The following ERBB4 variants were observed in gnomAD, a reference collection of about 807,000 sequenced individuals.
ERBB4 encodes erb-b2 receptor tyrosine kinase 4.
A neutral mutation model predicts 158.0 loss-of-function variants in ERBB4; 42 were observed. That is an observed-to-expected ratio of 0.27 (90% CI 0.21 to 0.34). ERBB4 has a LOEUF of 0.34. ERBB4 is among the 10% of genes least tolerant of loss of function. The pLI is 1.00. For synonymous variants in ERBB4, 583 were observed against 558.7 expected (o/e 1.04, Z -0.61); for missense variants, 1,333 against 1,624.1 (o/e 0.82, Z 3.08).
intron 20 of ERBB4, among the ~76,000 whole-genome samples, chr2:211,444,421 CTTAAG>C (rs913046436): frequency 3.8e-4 from 58 of 152,114 alleles, no homozygotes; most frequent in African/African-American, 1.2e-3. Flanking sequence ...TTGTGTTACT[CTTAAG>C]TTATCTATAA....
rs184886892 is a variant in ERBB4, at chr2:212,056,825, T to G, written c.234+67927A>C. Reference sequence around the variant, plus strand: ...ACTGGTATCAGCCACTGCAAAAACATGCCAAACTGTAAAGACCATAAATGC... The same window carrying G: ...ACTGGTATCAGCCACTGCAAAAACAGGCCAAACTGTAAAGACCATAAATGC... On this transcript the variant is annotated intron_variant, in intron 2 of 27. Transcript: ENST00000342788. Among the ~76,000 whole-genome samples, 13 of 152,296 alleles carry G rather than the reference T, an allele frequency of 8.5e-5. No homozygotes were observed. The East Asian group carries it at 2.1e-3, about 25-fold the overall frequency.
intron 1 of ERBB4, among the ~76,000 whole-genome samples, chr2:212,221,579 A>ATCCTCATTTAAAGG (rs1443815761): frequency 2.0e-5 from 3 of 151,508 alleles, no homozygotes; most frequent in African/African-American, 7.3e-5. Context: ...ATCACTTAAC[A>ATCCTCATTTAAAGG]TCCTCATTTA....
intron 1 of ERBB4, among the ~76,000 whole-genome samples, chr2:212,133,102 G>T (rs2080157603): frequency 6.6e-6 from 1 of 151,698 alleles, no homozygotes; most frequent in African/African-American, 2.4e-5. Flanking sequence ...AAAATTTTTT[G>T]GTTCTGTTTC....
chr2:211,734,223 A>C (rs1406393721), intron 5 of ERBB4, among the ~76,000 whole-genome samples: 1 of 152,184 alleles, frequency 6.6e-6, no homozygotes, highest in African/African-American at 2.4e-5. Context: ...GAGAAAATTA[A>C]AACTGAAATA....
chr2:212,345,265 C>CAAAAAAAAAAAAAAAAAAA lies in ERBB4; in HGVS notation c.82+193183_82+193184insTTTTTTTTTTTTTTTTTTT, dbSNP rs367985477. Among the ~76,000 whole-genome samples, 35 of 77,700 alleles carry CAAAAAAAAAAAAAAAAAAA rather than the reference C, an allele frequency of 4.5e-4. 4 individuals carry two copies. The highest frequency in any genetic ancestry group is 1.5e-3 in the South Asian group (4 of 2,598). 51.0% of individuals were successfully genotyped at this position (77,700 alleles called of 152,430 possible). A position where few individuals can be genotyped will look rare whatever the true frequency, so the allele number is the denominator to read the frequency against. On this transcript the variant is annotated intron_variant, in intron 1 of 27. Coordinates refer to ENST00000342788, the MANE Select transcript of ERBB4 (RefSeq NM_005235.3). ...TGGGGGACAGAGCAAGACTCCGTCT[C>CAAAAAAAAAAAAAAAAAAA]AAAAAAAAAAAAGCACTAAACACAT...
chr2:212,025,573 T>G (rs563580880), intron 2 of ERBB4, among the ~76,000 whole-genome samples: 1 of 151,892 alleles, frequency 6.6e-6, no homozygotes, highest in African/African-American at 2.4e-5. Flanking sequence ...TAAGATTGCT[T>G]CCTTTTATCC....
At chr2:212,123,994 G>A (rs1229312879) in intron 2 of ERBB4, among the ~76,000 whole-genome samples, 1 of 152,088 alleles carries the variant, frequency 6.6e-6, no homozygotes, top group Non-Finnish European at 1.5e-5. Flanking sequence ...ATTCTTAATT[G>A]TGCAAAGACC....
chr2:212,039,672 T>C (rs1016371874), intron 2 of ERBB4, among the ~76,000 whole-genome samples: 4 of 152,122 alleles, frequency 2.6e-5, no homozygotes, highest in East Asian at 1.9e-4. Flanking sequence ...TTTATATGTA[T>C]TTTTAATTTT....
chr2:212,064,615 T>C (rs2077882915), intron 2 of ERBB4, among the ~76,000 whole-genome samples: 3 of 152,242 alleles, frequency 2.0e-5, no homozygotes. Context: ...CCTACATATA[T>C]GAGTTTCTAA....
intron 2 of ERBB4, among the ~76,000 whole-genome samples, chr2:211,963,117 C>A (rs1022311554): frequency 1.3e-5 from 2 of 151,948 alleles, no homozygotes; most frequent in African/African-American, 2.4e-5. Flanking sequence ...TCACATAGGT[C>A]CAAAACAGTG....
chr2:211,798,839 A>C (rs1282675694), intron 3 of ERBB4, among the ~76,000 whole-genome samples: 1 of 152,174 alleles, frequency 6.6e-6, no homozygotes, highest in Non-Finnish European at 1.5e-5. Flanking sequence ...TGTATTTCAT[A>C]AGTTAAATTC....
chr2:211,701,801 G>C (rs886172160), intron 12 of ERBB4, among the ~76,000 whole-genome samples, 166 bp downstream of exon 12: 2 of 144,662 alleles, frequency 1.4e-5, no homozygotes, highest in African/African-American at 5.1e-5. Context: ...CACTTATTCT[G>C]ATTATTTTAT....
intron 19 of ERBB4, among the ~76,000 whole-genome samples, chr2:211,607,751 AC>A (rs2069038863): frequency 6.6e-6 from 1 of 152,162 alleles, no homozygotes; most frequent in Admixed American, 6.5e-5. Context: ...TACATAGAAT[AC>A]TATGATTGTT....
intron 20 of ERBB4, among the ~76,000 whole-genome samples, chr2:211,485,200 A>T (rs2065173333): frequency 6.6e-6 from 1 of 152,090 alleles, no homozygotes; most frequent in Non-Finnish European, 1.5e-5. Flanking sequence ...TTTGTGTCTT[A>T]GTTTTACAAA....
At chr2:211,687,038 G>A (rs1036041294) in intron 12 of ERBB4, among the ~76,000 whole-genome samples, 4 of 152,180 alleles carry the variant, frequency 2.6e-5, no homozygotes, top group African/African-American at 9.6e-5. Context: ...GCTCATGCCT[G>A]TAATCCCAGC....
rs1410352187 is a variant in ERBB4 at position 211,520,194 on chromosome 2, G to C, written c.2487+41709C>G. 3.9e-5 allele frequency among the ~76,000 whole-genome samples: 6 copies of C among 152,084 alleles called. No individual in the cohort carries two copies. In the East Asian group the frequency reaches 7.7e-4, roughly 20 times the overall value. On this transcript the variant is annotated intron_variant, in intron 20 of 27. Transcript: ENST00000342788. ...AAAGTCCATCCCAGTTCATTCAAAA[G>C]GAATGGAATTTTGGTTTTGTTTCAT...
chr2:212,362,146 T>C (rs1401669625), intron 1 of ERBB4, among the ~76,000 whole-genome samples: 1 of 151,578 alleles, frequency 6.6e-6, no homozygotes, highest in Non-Finnish European at 1.5e-5. Context: ...GTTATTATAA[T>C]GTTTTAAATT....
intron 14 of ERBB4, among the ~76,000 whole-genome samples, chr2:211,671,083 C>T (rs905220675): frequency 6.6e-6 from 1 of 151,762 alleles, no homozygotes; most frequent in Admixed American, 6.6e-5. Flanking sequence ...ATTAGGTGAA[C>T]TAAAAGTATT....
intron 3 of ERBB4, among the ~76,000 whole-genome samples, chr2:211,857,316 T>C (rs568606907): frequency 1.5e-3 from 230 of 152,324 alleles, no homozygotes; most frequent in African/African-American, 5.3e-3. Flanking sequence ...TTCTAGTTCA[T>C]AAAATCTGTT....
Sources: allele counts gnomAD v4.1 joint callset (sites outside exome capture counted in the v4.1 genomes callset), GRCh38; gene constraint gnomAD v4.1.1; transcripts MANE v1.5; gene names NCBI Gene and HGNC (gene_info 2026-07-23, HGNC 2026-07-21).